SGCZ: variants seen among roughly 807,000 people sequenced by gnomAD.
The protein encoded by SGCZ is sarcoglycan zeta.
SGCZ carries 40 observed loss-of-function variants against 41.3 expected under a neutral mutation model. That is an observed-to-expected ratio of 0.97 (90% CI 0.75 to 1.26). The LOEUF (loss-of-function observed/expected upper bound fraction) is 1.26, where lower values mean the gene tolerates loss of function less well. Ranked by LOEUF, SGCZ falls within the 50% of genes most tolerant of loss-of-function variation. SGCZ has a pLI of 0.00. For synonymous variants in SGCZ, 206 were observed against 137.5 expected (o/e 1.50, Z -3.49); for missense variants, 552 against 369.8 (o/e 1.49, Z -4.04).
At position 14,963,082 on chromosome 8, in the gene SGCZ, C is replaced by T. The variant is rs142598218; in HGVS notation, c.39+274503G>A. 1.4e-3 allele frequency among the ~76,000 whole-genome samples: 220 copies of T among 152,192 alleles called. 1 individual carries two copies. In the East Asian group the frequency reaches 0.017, roughly 12 times the overall value. ...TGAATGAGATGACAAACAACCTTTC[C>T]ATTGTATTTCTTTACTAAAGCCAAA... On this transcript the variant is annotated intron_variant, in intron 1 of 7. Transcript: ENST00000382080.
chr8:14,877,948 C>T (rs377752744), intron 1 of SGCZ, among the ~76,000 whole-genome samples: 44 of 151,658 alleles, frequency 2.9e-4, no homozygotes, highest in Admixed American at 1.6e-3. Context: ...TAAATCAGTA[C>T]TGTTGAGAAG....
intron 1 of SGCZ, among the ~76,000 whole-genome samples, chr8:14,925,698 G>C (rs1008760381): frequency 6.6e-6 from 1 of 152,176 alleles, no homozygotes; most frequent in Non-Finnish European, 1.5e-5. Flanking sequence ...GAGTCCCTCA[G>C]ACACGACAAT....
At position 14,867,516 on chromosome 8, in the gene SGCZ, A is replaced by G. The variant is rs186253407; in HGVS notation, c.40-312590T>C. Among the ~76,000 whole-genome samples the G allele has an allele frequency of 5.3e-5, 8 of 152,018 alleles. No individual in the cohort carries two copies. The East Asian group carries it at 7.8e-4, about 15-fold the overall frequency. On this transcript the variant is annotated intron_variant, in intron 1 of 7. Coordinates refer to ENST00000382080, the MANE Select transcript of SGCZ (RefSeq NM_139167.4). ...TAGTATTTCTGTCTTTAGGTCTTTG[A>G]GGAATTGCCACTCTTTCCTCCACAA... is the stretch of plus-strand genomic sequence containing the variant.
intron 1 of SGCZ, among the ~76,000 whole-genome samples, chr8:14,814,261 G>T (rs915754109): frequency 6.6e-6 from 1 of 152,102 alleles, no homozygotes; most frequent in African/African-American, 2.4e-5. Flanking sequence ...ACCTGACTAC[G>T]CCTCTACCTC....
At chr8:14,977,365 T>C (rs1002575224) in intron 1 of SGCZ, among the ~76,000 whole-genome samples, 1 of 152,204 alleles carries the variant, frequency 6.6e-6, no homozygotes, top group South Asian at 2.1e-4. Context: ...AGACAATCCA[T>C]GTACCCAGCA....
intron 1 of SGCZ, among the ~76,000 whole-genome samples, chr8:15,224,014 C>T (rs1801692555): frequency 6.6e-6 from 1 of 152,096 alleles, no homozygotes; most frequent in African/African-American, 2.4e-5. Context: ...GCAACCACAC[C>T]CAGCTAATTT....
At chr8:15,237,331 G>A (rs569196419) in intron 1 of SGCZ, among the ~76,000 whole-genome samples, 6 of 152,186 alleles carry the variant, frequency 3.9e-5, no homozygotes, top group African/African-American at 9.6e-5. Context: ...GGAGGAGGAC[G>A]GGGTGGCCGC....
At chr8:14,230,656 G>A (rs183307880) in intron 4 of SGCZ, among the ~76,000 whole-genome samples, 3 of 151,742 alleles carry the variant, frequency 2.0e-5, no homozygotes, top group African/African-American at 7.2e-5. Flanking sequence ...TACATCATAT[G>A]ATTGTCCCCA....
chr8:14,229,412 C>T (rs1806484076), intron 4 of SGCZ, among the ~76,000 whole-genome samples: 1 of 151,984 alleles, frequency 6.6e-6, no homozygotes, highest in South Asian at 2.1e-4. Context: ...GTCCTGATAT[C>T]ACAGGCATCT....
chr8:14,861,998 A>T (rs4645559), intron 1 of SGCZ, among the ~76,000 whole-genome samples: 54,769 of 151,844 alleles, frequency 0.36, 12,946 homozygotes, highest in African/African-American at 0.67. Context: ...CAGAGCCAAC[A>T]CCTGAATTCC....
Position 14,378,154 on chromosome 8 carries a change from A to G in SGCZ, c.235-53950T>C, listed in dbSNP as rs540255197. On this transcript the variant is annotated intron_variant, in intron 2 of 7. Coordinates refer to ENST00000382080, the MANE Select transcript of SGCZ (RefSeq NM_139167.4). ...AGTTTACAGTCCCACCAACAGTGTA[A>G]AAGTGTTCCTATTTCTCCACATCCT... Among the ~76,000 whole-genome samples the G allele has an allele frequency of 2.6e-3, 391 of 150,204 alleles. 3 individuals carry two copies. The highest frequency in any genetic ancestry group is 8.9e-3 in the African/African-American group (360 of 40,234).
intron 1 of SGCZ, among the ~76,000 whole-genome samples, chr8:15,200,422 C>G (rs950753265): frequency 6.6e-6 from 1 of 152,122 alleles, no homozygotes; most frequent in South Asian, 2.1e-4. Context: ...GCCTAGCTGT[C>G]CCACTGTGAA....
chr8:15,188,232 G>A (rs1164845354), intron 1 of SGCZ, among the ~76,000 whole-genome samples: 1 of 151,942 alleles, frequency 6.6e-6, no homozygotes. Context: ...TGCAAAGAAT[G>A]GACACAAGAA....
intron 2 of SGCZ, among the ~76,000 whole-genome samples, chr8:14,393,506 A>C (rs1804860869): frequency 6.6e-6 from 1 of 152,186 alleles, no homozygotes. Context: ...CTCACTATGT[A>C]AATGTCAAAC....
intron 5 of SGCZ, among the ~76,000 whole-genome samples, chr8:14,158,710 A>C (rs1026610841): frequency 6.6e-6 from 1 of 152,220 alleles, no homozygotes; most frequent in African/African-American, 2.4e-5. Flanking sequence ...GATGGCCAGC[A>C]AGGAGACAAA....
At chr8:14,235,195 G>A (rs1806713675) in intron 4 of SGCZ, among the ~76,000 whole-genome samples, 1 of 152,080 alleles carries the variant, frequency 6.6e-6, no homozygotes, top group Non-Finnish European at 1.5e-5. Flanking sequence ...GCTCCCTGTG[G>A]CTTTGTTTCA....
intron 1 of SGCZ, among the ~76,000 whole-genome samples, chr8:15,107,525 C>T (rs989779249): frequency 9.2e-5 from 14 of 152,200 alleles, no homozygotes; most frequent in African/African-American, 3.4e-4. Flanking sequence ...TCCGTACATA[C>T]CCAGTCCCCT....
rs542543712 is a variant in SGCZ, at chr8:15,128,084, T to C, written c.39+109501A>G. Among the ~76,000 whole-genome samples the C allele has an allele frequency of 2.6e-5, 4 of 152,324 alleles. No individual in the cohort carries two copies. The East Asian group carries it at 7.7e-4, about 29-fold the overall frequency. On this transcript the variant is annotated intron_variant, in intron 1 of 7. Coordinates refer to ENST00000382080, the MANE Select transcript of SGCZ (RefSeq NM_139167.4). Reference sequence around the variant, plus strand: ...TTTTCTTTAAGAAGAGACCCTTTTTTAAAGATACCATGTGCCAACATCTGT... The same window carrying C: ...TTTTCTTTAAGAAGAGACCCTTTTTCAAAGATACCATGTGCCAACATCTGT...
intron 1 of SGCZ, among the ~76,000 whole-genome samples, chr8:14,978,794 A>C (rs1270740164): frequency 8.0e-6 from 1 of 124,884 alleles, no homozygotes; most frequent in Non-Finnish European, 1.9e-5. Flanking sequence ...CAGAGTTTAC[A>C]ATTTTTTGTT....
Sources: gnomAD v4.1 joint callset for allele counts (sites outside exome capture counted in the v4.1 genomes callset) on GRCh38, gnomAD v4.1.1 for gene constraint, MANE v1.5 for transcripts, NCBI Gene and HGNC (gene_info 2026-07-23, HGNC 2026-07-21) for gene names.